CALCR: variants seen among roughly 807,000 people sequenced by gnomAD.
CALCR encodes the protein calcitonin receptor.
CALCR carries 47 observed loss-of-function variants against 59.5 expected under a neutral mutation model. That is an observed-to-expected ratio of 0.79 (90% CI 0.63 to 1.01). CALCR has a LOEUF of 1.01. Among genes scored for constraint, CALCR ranks in the 50% least tolerant of loss-of-function variants. The probability of loss-of-function intolerance (pLI) is 0.00; values close to 1 mark genes in which losing one functional copy is unlikely to be tolerated. For missense variants in CALCR, 566 were observed against 597.1 expected (o/e 0.95, Z 0.54); for synonymous variants, 213 against 211.3 (o/e 1.01, Z -0.07).
chr7:93,435,627 G>T (rs1799755597), intron 12 of CALCR, among the ~76,000 whole-genome samples: 1 of 151,924 alleles, frequency 6.6e-6, no homozygotes. Flanking sequence ...GGCCAACATG[G>T]TGAAACCCCG....
chr7:93,500,916 A>T (rs1260750509), intron 2 of CALCR, among the ~76,000 whole-genome samples: 8 of 151,990 alleles, frequency 5.3e-5, no homozygotes, highest in Non-Finnish European at 1.2e-4. Context: ...TAATTTAATC[A>T]TTACAAACTT....
intron 8 of CALCR, among the ~76,000 whole-genome samples, chr7:93,457,569 C>A (rs1267727947): frequency 6.6e-6 from 1 of 152,034 alleles, no homozygotes; most frequent in Non-Finnish European, 1.5e-5. Context: ...TGAGCATGCT[C>A]CCAGATCAAT....
intron 7 of CALCR, among the ~76,000 whole-genome samples, chr7:93,463,954 T>A (rs1320864517): frequency 1.3e-5 from 2 of 151,990 alleles, no homozygotes; most frequent in African/African-American, 2.4e-5. Flanking sequence ...AGTAGGAGGA[T>A]GAGACAACAT....
chr7:93,436,095 G>T lies in CALCR; in HGVS notation c.1006C>A (p.His336Asn), dbSNP rs371980647. Reference protein sequence around the residue: ...KMRETHEAESHMYLKAVKATM... With the variant: ...KMRETHEAESNMYLKAVKATM... The stretch of plus-strand genomic sequence containing the variant: ...GCCTTCACAGCCTTCAGGTACATGT[G>T]GGATTCCGCCTCATGGGTTTCCCTC... Residue 336 changes from histidine (H) to asparagine (N), a missense_variant, in exon 12 of 14, where the codon CAC becomes AAC. Physicochemically the swap from His to Asn is moderately conservative, Grantham distance 68. Coordinates refer to ENST00000426151, the MANE Select transcript of CALCR (RefSeq NM_001742.4). The T allele has an allele frequency of 8.7e-6, 14 of 1,614,126 alleles. No individual in the cohort carries two copies. Among genetic ancestry groups the T allele is most frequent in the Non-Finnish European group, 1.1e-5 (13 of 1,179,970 alleles).
intron 2 of CALCR, chr7:93,559,686 T>C (rs1789697675): frequency 6.6e-6 from 1 of 152,078 alleles, no homozygotes; most frequent in African/African-American, 2.4e-5. Context: ...GAAGAAATAT[T>C]TCGGTCTTTG....
At chr7:93,553,156 C>T (rs1429159328) in intron 2 of CALCR, among the ~76,000 whole-genome samples, 1 of 152,174 alleles carries the variant, frequency 6.6e-6, no homozygotes, top group African/African-American at 2.4e-5. Flanking sequence ...CTTTTCTCAT[C>T]GAATTTCACC....
intron 3 of CALCR, among the ~76,000 whole-genome samples, chr7:93,483,387 A>G (rs949773181): frequency 6.6e-6 from 1 of 151,358 alleles, no homozygotes; most frequent in Admixed American, 6.6e-5. Flanking sequence ...TGTACAACCC[A>G]TGGATACAGA....
intron 2 of CALCR, 74 bp from the exon 3 acceptor site, chr7:93,487,081 T>TA: frequency 1.3e-6 from 1 of 793,240 alleles, no homozygotes. Flanking sequence ...TCATTTTCAT[T>TA]TTTTCTATTT....
At chr7:93,465,985 T>A (rs1800433720) in intron 7 of CALCR, among the ~76,000 whole-genome samples, 1 of 151,808 alleles carries the variant, frequency 6.6e-6, no homozygotes. Context: ...CTCCTTTTTA[T>A]GAGACACATT....
intron 2 of CALCR, among the ~76,000 whole-genome samples, chr7:93,496,996 A>C (rs1003073716): frequency 2.0e-5 from 3 of 151,446 alleles, no homozygotes; most frequent in Admixed American, 6.6e-5. Flanking sequence ...ATGGCCATAA[A>C]CCCAATTTAT....
At chr7:93,568,359 A>G (rs1036658195) in intron 2 of CALCR, among the ~76,000 whole-genome samples, 6 of 151,546 alleles carry the variant, frequency 4.0e-5, no homozygotes, top group African/African-American at 1.2e-4. Context: ...TCCTCATTTC[A>G]CATTTATTTC....
chr7:93,550,455 T>C (rs1185328772), intron 2 of CALCR, among the ~76,000 whole-genome samples: 3 of 113,314 alleles, frequency 2.6e-5, no homozygotes, highest in African/African-American at 1.1e-4. Flanking sequence ...GCCATTGCAC[T>C]CCAGCCTGGG....
At chr7:93,536,389 T>C (rs1339581284) in intron 2 of CALCR, among the ~76,000 whole-genome samples, 2 of 151,924 alleles carry the variant, frequency 1.3e-5, no homozygotes, top group South Asian at 4.1e-4. Context: ...TAACGTGTCC[T>C]ATTGACTAAT....
intron 8 of CALCR, among the ~76,000 whole-genome samples, chr7:93,459,019 A>T (rs1288808343): frequency 1.3e-5 from 2 of 152,212 alleles, no homozygotes; most frequent in African/African-American, 4.8e-5. Flanking sequence ...AGGAGAAAGC[A>T]GAGAAGTACT....
chr7:93,438,753 G>C (rs2115705525), intron 9 of CALCR, among the ~76,000 whole-genome samples: 2 of 152,072 alleles, frequency 1.3e-5, no homozygotes, highest in East Asian at 3.9e-4. Context: ...TTGTTTTTCT[G>C]TCTGTTTATA....
chr7:93,448,732 T>C (rs1161227614), intron 8 of CALCR, among the ~76,000 whole-genome samples: 1 of 151,954 alleles, frequency 6.6e-6, no homozygotes, highest in Non-Finnish European at 1.5e-5. Flanking sequence ...ATCTACCCAG[T>C]TTGTGTGAAA....
At chr7:93,457,930 C>G (rs1322679100) in intron 8 of CALCR, among the ~76,000 whole-genome samples, 2 of 151,952 alleles carry the variant, frequency 1.3e-5, no homozygotes, top group Non-Finnish European at 2.9e-5. Context: ...GATTTGAATC[C>G]CATCTCTAAG....
intron 2 of CALCR, among the ~76,000 whole-genome samples, chr7:93,502,691 A>G (rs10267905): frequency 0.051 from 7,721 of 152,128 alleles, 686 homozygotes; most frequent in African/African-American, 0.18. Context: ...GTGGAATTTG[A>G]AAGTAATCTA....
intron 2 of CALCR, among the ~76,000 whole-genome samples, chr7:93,554,596 T>A (rs1789543343): frequency 6.6e-6 from 1 of 151,656 alleles, no homozygotes; most frequent in South Asian, 2.1e-4. Flanking sequence ...ACTATAGCAA[T>A]ACAGAGTCCA....
Sources: gnomAD v4.1 joint callset for allele counts (sites outside exome capture counted in the v4.1 genomes callset) on GRCh38, gnomAD v4.1.1 for gene constraint, MANE v1.5 for transcripts, NCBI Gene and HGNC (gene_info 2026-07-23, HGNC 2026-07-21) for gene names.